Variants in PRCP observed in about 807,000 individuals in gnomAD.
The protein encoded by PRCP is lysosomal Pro-X carboxypeptidase.
PRCP carries 46 observed loss-of-function variants against 54.2 expected under a neutral mutation model. The ratio of observed to expected loss-of-function variants is 0.85; its 90% CI spans 0.67 to 1.09. PRCP has a LOEUF of 1.09. Among genes scored for constraint, PRCP ranks in the 50% least tolerant of loss-of-function variants. PRCP has a pLI of 0.00. For synonymous variants in PRCP, 240 were observed against 212.2 expected (o/e 1.13, Z -1.14); for missense variants, 613 against 596.8 (o/e 1.03, Z -0.28).
chr11:82,856,273 C>A (rs901172255), intron 2 of PRCP, among the ~76,000 whole-genome samples: 16 of 152,178 alleles, frequency 1.1e-4, no homozygotes, highest in African/African-American at 3.4e-4. Flanking sequence ...AACCTAGATA[C>A]CCTTCAAGAG....
At chr11:82,884,883 G>C (rs1437504382) in intron 1 of PRCP, 2 of 1,613,362 alleles carry the variant, frequency 1.2e-6, no homozygotes, top group African/African-American at 2.7e-5. Flanking sequence ...CAGCAGCAAG[G>C]GCCTGCAGGA....
chr11:82,873,038 T>C (rs1189744220), intron 1 of PRCP, among the ~76,000 whole-genome samples: 1 of 149,418 alleles, frequency 6.7e-6, no homozygotes, highest in African/African-American at 2.5e-5. Flanking sequence ...TAGGAAGCCT[T>C]CAAGAGTTTT....
intron 1 of PRCP, among the ~76,000 whole-genome samples, chr11:82,868,620 C>G (rs187809597): frequency 1.3e-5 from 2 of 152,010 alleles, no homozygotes; most frequent in African/African-American, 2.4e-5. Context: ...TACAAAAGAG[C>G]ATTTCAAGCA....
chr11:82,851,345 T>C (rs527860372), intron 3 of PRCP, among the ~76,000 whole-genome samples: 1 of 151,796 alleles, frequency 6.6e-6, no homozygotes, highest in Non-Finnish European at 1.5e-5. Context: ...CAAGGTTAGG[T>C]CATTAAAAAA....
chr11:82,894,943 G>A (rs949180491), intron 1 of PRCP, among the ~76,000 whole-genome samples: 3 of 152,082 alleles, frequency 2.0e-5, no homozygotes, highest in African/African-American at 4.8e-5. Flanking sequence ...TTCTTTTTAT[G>A]TACAGAATCT....
chr11:82,875,439 A>G (rs1287238558), intron 1 of PRCP, among the ~76,000 whole-genome samples: 7 of 152,210 alleles, frequency 4.6e-5, no homozygotes, highest in Non-Finnish European at 7.3e-5. Flanking sequence ...AGCCTCAGGA[A>G]ATGTGAACAG....
chr11:82,855,069 C>T (rs1245397445), intron 2 of PRCP, among the ~76,000 whole-genome samples: 2 of 151,854 alleles, frequency 1.3e-5, no homozygotes, highest in Non-Finnish European at 2.9e-5. Flanking sequence ...TATAAAAAGC[C>T]CAAAAACCCC....
At chr11:82,899,383 T>C (rs1361880059) in intron 1 of PRCP, among the ~76,000 whole-genome samples, 1 of 152,182 alleles carries the variant, frequency 6.6e-6, no homozygotes, top group East Asian at 1.9e-4. Flanking sequence ...GCTAGCAGGG[T>C]GGAATCCGGT....
intron 8 of PRCP, among the ~76,000 whole-genome samples, chr11:82,838,168 G>A (rs1858570052): frequency 6.6e-6 from 1 of 152,016 alleles, no homozygotes; most frequent in South Asian, 2.1e-4. Flanking sequence ...AAATTTTGTT[G>A]CTGTTGATTT....
intron 8 of PRCP, 21 bp downstream of exon 8, chr11:82,838,365 TC>T: frequency 6.3e-7 from 1 of 1,588,766 alleles, no homozygotes; most frequent in South Asian, 1.2e-5. Context: ...CTGAAGTTTA[TC>T]TTTGGACAGC....
chr11:82,857,389 C>G (rs1438073563), intron 2 of PRCP, among the ~76,000 whole-genome samples: 1 of 152,234 alleles, frequency 6.6e-6, no homozygotes. Flanking sequence ...AAATAACTTT[C>G]AACATTCACA....
chr11:82,847,882 C>T (rs1046920989), intron 6 of PRCP, among the ~76,000 whole-genome samples: 2 of 152,190 alleles, frequency 1.3e-5, no homozygotes, highest in African/African-American at 4.8e-5. Flanking sequence ...GGATGAGCGA[C>T]CATGCCAGGC....
chr11:82,844,922 T>C (rs1034990331), intron 6 of PRCP, among the ~76,000 whole-genome samples: 2 of 152,032 alleles, frequency 1.3e-5, no homozygotes, highest in Non-Finnish European at 2.9e-5. Flanking sequence ...TAAAACAATT[T>C]TCCTAATTCT....
intron 1 of PRCP, among the ~76,000 whole-genome samples, chr11:82,886,145 A>T (rs1255318095): frequency 2.0e-5 from 3 of 152,178 alleles, no homozygotes; most frequent in Non-Finnish European, 4.4e-5. Context: ...GTTCTGTATA[A>T]TTGAAATCTC....
chr11:82,896,290 T>C (rs73508429), intron 1 of PRCP, among the ~76,000 whole-genome samples: 3,172 of 152,202 alleles, frequency 0.021, 133 homozygotes, highest in African/African-American at 0.072. Flanking sequence ...ATTCTAGATG[T>C]TTTTGTGAAG....
intron 1 of PRCP, among the ~76,000 whole-genome samples, chr11:82,869,638 T>A (rs555416804): frequency 1.8e-4 from 27 of 152,336 alleles, no homozygotes; most frequent in African/African-American, 6.3e-4. Context: ...GTGACTGGAA[T>A]AAGGCCTGGC....
chr11:82,873,965 T>C (rs1859538230), intron 1 of PRCP, among the ~76,000 whole-genome samples: 1 of 152,246 alleles, frequency 6.6e-6, no homozygotes, highest in South Asian at 2.1e-4. Context: ...CTGATTTCAC[T>C]ATAAAATGTC....
chr11:82,869,351 A>T (rs945885619), intron 1 of PRCP, among the ~76,000 whole-genome samples: 1 of 133,666 alleles, frequency 7.5e-6, no homozygotes, highest in Non-Finnish European at 1.7e-5. Flanking sequence ...GTGAGACTCC[A>T]TCTCAAAAAA....
intron 1 of PRCP, among the ~76,000 whole-genome samples, chr11:82,877,856 C>T (rs918126519): frequency 3.3e-5 from 5 of 152,164 alleles, no homozygotes; most frequent in African/African-American, 9.7e-5. Context: ...GGCCACCATC[C>T]TCCAGATCCC....
Sources: gnomAD v4.1 joint callset for allele counts (sites outside exome capture counted in the v4.1 genomes callset) on GRCh38, gnomAD v4.1.1 for gene constraint, MANE v1.5 for transcripts, NCBI Gene and HGNC (gene_info 2026-07-23, HGNC 2026-07-21) for gene names.